Variants in PUM2 observed in about 807,000 individuals in gnomAD.
PUM2 encodes pumilio homolog 2.
In PUM2, 57 loss-of-function variants were observed where a neutral mutation model predicts 124.5. That is an observed-to-expected ratio of 0.46 (90% CI 0.37 to 0.57). PUM2 has a LOEUF of 0.57. PUM2 is among the 20% of genes least tolerant of loss of function. PUM2 has a pLI of 0.00. For synonymous variants in PUM2, 460 were observed against 446.1 expected (o/e 1.03, Z -0.39); for missense variants, 1,065 against 1,290.6 (o/e 0.83, Z 2.68).
At chr2:20,294,245 C>T (rs559197502) in intron 9 of PUM2, 131 bp downstream of exon 9, 24 of 923,540 alleles carry the variant, frequency 2.6e-5, no homozygotes, top group African/African-American at 1.0e-4. Context: ...TAAATACTTG[C>T]GTATCAACTG....
intron 7 of PUM2, among the ~76,000 whole-genome samples, chr2:20,298,144 G>T (rs1234330269): frequency 6.6e-6 from 1 of 152,108 alleles, no homozygotes; most frequent in Non-Finnish European, 1.5e-5. Flanking sequence ...CACTCCATCT[G>T]GTGAGAAAAA....
In PUM2 at chr2:20,308,322, G is replaced by T; in HGVS notation, c.781C>A (p.Gln261Lys). 6.2e-7 allele frequency: 1 copy of T among 1,613,146 alleles called. No individual in the cohort carries two copies. Among genetic ancestry groups the T allele is most frequent in the Non-Finnish European group, 8.5e-7 (1 of 1,179,456 alleles). Residue 261 changes from glutamine (Q) to lysine (K), a missense_variant, in exon 6 of 21, where the codon CAG becomes AAG. Physicochemically the swap from Gln to Lys is moderately conservative, Grantham distance 53. Around this residue, in one of 3 missense-constraint regions of PUM2, gnomAD observed 968 missense variants for 1,159.8 expected, o/e 0.83. Transcript: ENST00000361078. ...ATVGLFDYNSQQQLFQRTNAL... is the reference protein window; with the variant it reads ...ATVGLFDYNSKQQLFQRTNAL... ...AAAGAACATGCTTTTACCTGCTGCTGGGAATTGTAGTCAAAAAGGCCTACA... is the reference window on the plus strand; with the variant it reads ...AAAGAACATGCTTTTACCTGCTGCTTGGAATTGTAGTCAAAAAGGCCTACA...
chr2:20,321,241 C>T (rs993181494), intron 2 of PUM2, among the ~76,000 whole-genome samples: 8 of 152,016 alleles, frequency 5.3e-5, no homozygotes, highest in African/African-American at 1.4e-4. Context: ...GAGCCGAGAT[C>T]GTGCCACTGC....
chr2:20,320,593 A>AT (rs869078249), intron 2 of PUM2, among the ~76,000 whole-genome samples: 3 of 150,492 alleles, frequency 2.0e-5, no homozygotes, highest in Admixed American at 6.6e-5. Context: ...AAAAAACTCC[A>AT]TTTTTTTAAA....
chr2:20,259,540 CT>C (rs1404261845), intron 15 of PUM2, among the ~76,000 whole-genome samples: 2 of 152,108 alleles, frequency 1.3e-5, no homozygotes, highest in Non-Finnish European at 1.5e-5. Flanking sequence ...AATGTTTGTC[CT>C]TTTGTGTGTG....
At chr2:20,294,805 C>A (rs922969868) in intron 8 of PUM2, among the ~76,000 whole-genome samples, 25 of 152,176 alleles carry the variant, frequency 1.6e-4, no homozygotes, top group African/African-American at 5.8e-4. Context: ...TGACACTATA[C>A]AGATAATATA....
At chr2:20,254,077 A>C in intron 19 of PUM2, 63 bp from the exon 20 acceptor site, 1 of 1,404,846 alleles carries the variant, frequency 7.1e-7, no homozygotes, top group Non-Finnish European at 9.8e-7. Context: ...AATTTCCTTG[A>C]CTTATAGAAA....
chr2:20,272,789 GT>G (rs1199892461), intron 13 of PUM2, among the ~76,000 whole-genome samples: 3 of 152,054 alleles, frequency 2.0e-5, no homozygotes, highest in Non-Finnish European at 4.4e-5. Flanking sequence ...CTAAAATATG[GT>G]ATGTCCTTCC....
chr2:20,285,108 C>T (rs183792579), intron 10 of PUM2, among the ~76,000 whole-genome samples: 13 of 152,310 alleles, frequency 8.5e-5, no homozygotes, highest in Admixed American at 7.2e-4. Context: ...ACTCTACTGA[C>T]AAATCAAACA....
intron 14 of PUM2, among the ~76,000 whole-genome samples, chr2:20,262,306 A>C (rs1357271187): frequency 6.6e-6 from 1 of 152,342 alleles, no homozygotes; most frequent in East Asian, 1.9e-4. Flanking sequence ...CTACACACGC[A>C]TATGATTTTT....
chr2:20,312,448 ATATACT>A (rs750289506), intron 3 of PUM2, 25 bp from the exon 4 acceptor site: 3 of 1,581,590 alleles, frequency 1.9e-6, no homozygotes, highest in Non-Finnish European at 2.6e-6. Context: ...AAACACAATT[ATATACT>A]TATACTTTTA....
At chr2:20,347,365 T>G (rs949245417) in intron 1 of PUM2, among the ~76,000 whole-genome samples, 1 of 152,180 alleles carries the variant, frequency 6.6e-6, no homozygotes, top group African/African-American at 2.4e-5. Flanking sequence ...CTCGAGTTAT[T>G]TGAAGAAAAA....
At chr2:20,275,613 G>T (rs560081491) in intron 13 of PUM2, among the ~76,000 whole-genome samples, 11 of 152,152 alleles carry the variant, frequency 7.2e-5, no homozygotes, top group African/African-American at 2.6e-4. Flanking sequence ...AACCAAACAC[G>T]TGTCTCCCGA....
chr2:20,351,445 C>A (rs1399763690), upstream of PUM2, among the ~76,000 whole-genome samples: 1 of 152,238 alleles, frequency 6.6e-6, no homozygotes, highest in Non-Finnish European at 1.5e-5. Flanking sequence ...CAGCTCTCAG[C>A]AAATTGTCGG....
intron 15 of PUM2, among the ~76,000 whole-genome samples, chr2:20,260,035 G>A (rs1665792688): frequency 6.6e-6 from 1 of 152,138 alleles, no homozygotes; most frequent in Non-Finnish European, 1.5e-5. Flanking sequence ...TGATTAGTAA[G>A]GATGTTGAGC....
intron 16 of PUM2, 132 bp downstream of exon 16, chr2:20,258,111 G>C: frequency 1.2e-6 from 1 of 811,800 alleles, no homozygotes; most frequent in Non-Finnish European, 1.8e-6. Context: ...TTAGGACACA[G>C]TAACAACATT....
Position 20,297,560 on chromosome 2 carries a change from T to C in PUM2, c.1002A>G (p.Thr334=), listed in dbSNP as rs375975840. The stretch of plus-strand genomic sequence containing the variant: ...GAACAAATAGTATGTTACCTGCTAA[T>C]GTAGCTGCTGCAGCCAATCCTGCTG... The part of the protein sequence containing the change: ...YTAAGLAAAA[T]LAGPAVVPPQ... Residue 334 remains threonine (T), a synonymous_variant, in exon 8 of 21, where the codon ACA becomes ACG. Coordinates refer to ENST00000361078, the MANE Select transcript of PUM2 (RefSeq NM_015317.5). The C allele has an allele frequency of 1.2e-5, 20 of 1,605,996 alleles. No individual in the cohort carries two copies. Among genetic ancestry groups the C allele is most frequent in the Non-Finnish European group, 1.7e-5 (20 of 1,175,338 alleles).
intron 10 of PUM2, among the ~76,000 whole-genome samples, chr2:20,284,026 T>C (rs1033590522): frequency 6.6e-6 from 1 of 152,236 alleles, no homozygotes; most frequent in Non-Finnish European, 1.5e-5. Flanking sequence ...TTTAGTTTTA[T>C]TGTAGCCTTA....
rs746586370 is a variant in PUM2 at position 20,297,698 on chromosome 2, AAAT to A, written c.884-23_884-21del. ...CACCAGCTATATTTTAAAAGGGGAGAAATAATAAACAACAATGTAAAGTATGAT... is the reference window on the plus strand; with the variant it reads ...CACCAGCTATATTTTAAAAGGGGAGAAATAAACAACAATGTAAAGTATGAT... On this transcript the variant is annotated intron_variant, in intron 7 of 20. Transcript: ENST00000361078. The A allele has an allele frequency of 6.2e-7, 1 of 1,603,330 alleles. No individual in the cohort carries two copies. The highest frequency in any genetic ancestry group is 8.5e-7 in the Non-Finnish European group (1 of 1,174,128).
Sources: allele counts gnomAD v4.1 joint callset (sites outside exome capture counted in the v4.1 genomes callset), GRCh38; gene constraint gnomAD v4.1.1; regional missense constraint gnomAD v4.1.1; transcripts MANE v1.5; gene names NCBI Gene and HGNC (gene_info 2026-07-23, HGNC 2026-07-21).